The following CELF2 variants were observed in gnomAD, a reference collection of about 807,000 sequenced individuals.
CELF2 encodes the protein CUG triplet repeat RNA-binding protein 2.
A neutral mutation model predicts 62.6 loss-of-function variants in CELF2; 8 were observed. That is an observed-to-expected ratio of 0.13 (90% confidence interval 0.07 to 0.23). The LOEUF is 0.23. Ranked by LOEUF, CELF2 falls within the 10% of genes least tolerant of loss-of-function variation. CELF2 has a pLI of 1.00. For synonymous variants in CELF2, 258 were observed against 250.0 expected, an observed-to-expected ratio of 1.03 and a Z score of -0.30; for missense variants, 333 against 671.0, an observed-to-expected ratio of 0.50 and a Z score of 5.56.
chr10:10,853,920 G>A (rs911391491), intron 1 of CELF2, among the ~76,000 whole-genome samples: 5 of 152,148 alleles, frequency 3.3e-5, no homozygotes, highest in African/African-American at 4.8e-5. Flanking sequence ...TCGCATGTAC[G>A]AAAGTCAAGG....
chr10:10,700,437 C>T, the CELF2 span, among the ~76,000 whole-genome samples: 1 of 152,194 alleles, frequency 6.6e-6, no homozygotes, highest in Admixed American at 6.5e-5. Flanking sequence ...TGACCACATT[C>T]TAGATATTGC....
At chr10:11,132,989 T>C (rs982297435) in intron 1 of CELF2, among the ~76,000 whole-genome samples, 1 of 152,212 alleles carries the variant, frequency 6.6e-6, no homozygotes, top group African/African-American at 2.4e-5. Flanking sequence ...ATGGCAGCAA[T>C]GTTTGGTCAA....
intron 1 of CELF2, among the ~76,000 whole-genome samples, chr10:10,899,069 T>C (rs956120363): frequency 6.6e-6 from 1 of 152,152 alleles, no homozygotes; most frequent in African/African-American, 2.4e-5. Flanking sequence ...ATCCAAAGAA[T>C]GCCCCTAAAG....
chr10:11,142,210 G>T (rs957613517), intron 1 of CELF2, among the ~76,000 whole-genome samples: 1 of 152,218 alleles, frequency 6.6e-6, no homozygotes, highest in Admixed American at 6.5e-5. Flanking sequence ...GTTTCTTGAT[G>T]GGAGCAAATT....
rs1204075334 is a variant in CELF2, at chr10:10,983,858, C to T, written c.89+63859C>T. The stretch of plus-strand genomic sequence containing the variant: ...GGGATTACAGGCATGAGCTACCACG[C>T]CTGGCCGATATATCTGTTATTAATG... On this transcript the variant is annotated intron_variant, in intron 2 of 13. Transcript: ENST00000636488. The surrounding 1 kb of genome is among the most constrained non-coding windows in gnomAD (Gnocchi z 5.2). Among the ~76,000 whole-genome samples, 6 of 152,208 alleles carry T rather than the reference C, an allele frequency of 3.9e-5. No homozygotes were observed. The highest frequency in any genetic ancestry group is 9.7e-5 in the African/African-American group (4 of 41,446).
At chr10:10,488,779 C>T in the CELF2 span, among the ~76,000 whole-genome samples, 2 of 152,016 alleles carry the variant, frequency 1.3e-5, no homozygotes, top group African/African-American at 4.8e-5. Context: ...AGCAAATTAA[C>T]GTAGATGTTA....
chr10:11,148,843 A>AACACACACACACACACAC (rs58567770), intron 1 of CELF2, among the ~76,000 whole-genome samples: 1,879 of 146,870 alleles, frequency 0.013, 17 homozygotes, highest in Non-Finnish European at 0.017. Context: ...TCTTAAACCA[A>AACACACACACACACACAC]ACACACACAC....
In CELF2 at chr10:11,314,417, T is replaced by A; in HGVS notation, c.1096+159T>A. ...CATGCTTTGATAGGCAAAAGCTGTC[T>A]ACACTCGTTTTGCCTCAGAAAATCC... On this transcript the variant is annotated intron_variant, in intron 10 of 12. Coordinates refer to ENST00000633077, the MANE Select transcript of CELF2 (RefSeq NM_001326342.2). The surrounding 1 kb of genome is among the most constrained non-coding windows in gnomAD (Gnocchi z 5.3). 1.1e-6 allele frequency: 1 copy of A among 910,672 alleles called. No homozygotes were observed. The highest frequency in any genetic ancestry group is 2.0e-5 in the Admixed American group (1 of 50,888). The allele number at this position is 910,672 out of a possible 1,614,324, so 56.4% of individuals were successfully genotyped here.
the CELF2 span, among the ~76,000 whole-genome samples, chr10:10,642,864 T>A: frequency 4.6e-5 from 7 of 152,302 alleles, 1 homozygote; most frequent in Admixed American, 4.6e-4. Flanking sequence ...GGAGGCTGTG[T>A]GTTGATATCT....
At chr10:11,312,196 G>A (rs919401869) in intron 9 of CELF2, among the ~76,000 whole-genome samples, 13 of 152,162 alleles carry the variant, frequency 8.5e-5, no homozygotes, top group African/African-American at 2.9e-4. Flanking sequence ...CATGAACTAG[G>A]ATAAAGATGT....
chr10:10,485,607 G>A, the CELF2 span, among the ~76,000 whole-genome samples: 1 of 152,186 alleles, frequency 6.6e-6, no homozygotes, highest in South Asian at 2.1e-4. Flanking sequence ...TCTATTTGTG[G>A]CACTAGCAGC....
At chr10:10,977,980 T>G (rs1486141054) in intron 2 of CELF2, among the ~76,000 whole-genome samples, 1 of 152,022 alleles carries the variant, frequency 6.6e-6, no homozygotes, top group African/African-American at 2.4e-5. Flanking sequence ...TACATAGAAG[T>G]TAATATATGA....
the CELF2 span, among the ~76,000 whole-genome samples, chr10:10,765,953 C>T: frequency 5.3e-5 from 8 of 152,302 alleles, no homozygotes; most frequent in South Asian, 2.1e-4. Flanking sequence ...CAGACACAAG[C>T]GCACTGGGCC....
chr10:11,257,960 G>C, intron 5 of CELF2, 88 bp downstream of exon 5: 1 of 1,483,238 alleles, frequency 6.7e-7, no homozygotes. Flanking sequence ...ACCGCACACG[G>C]CAAGAGGTCA....
chr10:10,795,906 G>A (rs1008391513), upstream of CELF2, among the ~76,000 whole-genome samples: 9 of 151,886 alleles, frequency 5.9e-5, no homozygotes, highest in Admixed American at 2.0e-4. Flanking sequence ...GGAGTGAATC[G>A]GTGAGACTCA....
In CELF2 at chr10:10,934,071, G is replaced by A. The variant is rs1397523868; in HGVS notation, c.89+14072G>A. ...GTACATTCCCACAAACAGTATACAA[G>A]GGTTCCCTTTCTCCAATCAGTGCCA... On this transcript the variant is annotated intron_variant, in intron 2 of 13. Coordinates refer to the CELF2 transcript ENST00000636488. The surrounding 1 kb of genome is among the most constrained non-coding windows in gnomAD (Gnocchi z 4.4). Among the ~76,000 whole-genome samples the A allele has an allele frequency of 6.6e-6, 1 of 152,176 alleles. No individual in the cohort carries two copies. The highest frequency in any genetic ancestry group is 1.5e-5 in the Non-Finnish European group (1 of 68,032).
At position 11,300,638 on chromosome 10, in the gene CELF2, C is replaced by T. The variant is rs1910231; in HGVS notation, c.976+12086C>T. On this transcript the variant is annotated intron_variant, in intron 9 of 12. Coordinates refer to ENST00000633077, the MANE Select transcript of CELF2 (RefSeq NM_001326342.2). The surrounding 1 kb of genome is among the most constrained non-coding windows in gnomAD (Gnocchi z 5.5). ...TAATTAGGCCTCACGGGGGGAGAGG[C>T]GTAGTATATTAATGCCCCAGGGTTG... Among the ~76,000 whole-genome samples, 109,062 of 152,022 alleles carry T rather than the reference C, an allele frequency of 0.72. 40,099 individuals carry two copies. The highest frequency in any genetic ancestry group is 0.79 in the African/African-American group (32,765 of 41,468).
chr10:10,883,813 T>A (rs781295137), intron 1 of CELF2, among the ~76,000 whole-genome samples: 1 of 152,208 alleles, frequency 6.6e-6, no homozygotes, highest in South Asian at 2.1e-4. Flanking sequence ...TTGCCTAATA[T>A]GTTTCGCTTC....
At chr10:10,587,603 C>A in the CELF2 span, among the ~76,000 whole-genome samples, 1 of 151,964 alleles carries the variant, frequency 6.6e-6, no homozygotes, top group Admixed American at 6.6e-5. Flanking sequence ...ACATAAAATC[C>A]TTTTTTTGTT....
Sources: gnomAD v4.1 joint callset for allele counts (sites outside exome capture counted in the v4.1 genomes callset) on GRCh38, gnomAD v4.1.1 for gene constraint, Gnocchi (gnomAD v3.1) non-coding constraint, MANE v1.5 for transcripts, NCBI Gene and HGNC (gene_info 2026-07-23, HGNC 2026-07-21) for gene names.